DIS3L2: variants seen among roughly 807,000 people sequenced by gnomAD.
DIS3L2 encodes the protein DIS3 like 3'-5' exoribonuclease 2.
Under a neutral mutation model 97.5 loss-of-function variants are expected in DIS3L2, and 34 were observed. That is an observed-to-expected ratio of 0.35 (90% confidence interval 0.27 to 0.46). DIS3L2 has a LOEUF of 0.46. DIS3L2 is among the 20% of genes least tolerant of loss of function. The pLI is 1.00. For missense variants in DIS3L2, 1,038 were observed against 1,146.0 expected (o/e 0.91, Z 1.36); for synonymous variants, 435 against 445.2 (o/e 0.98, Z 0.29).
chr2:231,976,117 A>G (rs554166920), intron 1 of DIS3L2, among the ~76,000 whole-genome samples: 2 of 152,278 alleles, frequency 1.3e-5, no homozygotes, highest in African/African-American at 2.4e-5. Flanking sequence ...TAGGGGTACA[A>G]GAGGCTTTCT....
chr2:231,968,801 G>A (rs554166809), intron 1 of DIS3L2, among the ~76,000 whole-genome samples: 14 of 152,264 alleles, frequency 9.2e-5, no homozygotes, highest in Admixed American at 3.3e-4. Flanking sequence ...TTAGTTATCC[G>A]TAAGTATTTC....
intron 5 of DIS3L2, among the ~76,000 whole-genome samples, chr2:232,045,936 A>G (rs1487303950): frequency 2.0e-5 from 3 of 151,888 alleles, no homozygotes. Flanking sequence ...CGGCCTCCCA[A>G]AGTGCTGGGA....
At chr2:232,206,604 T>C (rs1234908866) in intron 9 of DIS3L2, among the ~76,000 whole-genome samples, 1 of 152,226 alleles carries the variant, frequency 6.6e-6, no homozygotes, top group East Asian at 1.9e-4. Flanking sequence ...CACAAACAAG[T>C]GGCAGGCCAG....
At chr2:232,311,476 A>G (rs1559206491) in intron 14 of DIS3L2, among the ~76,000 whole-genome samples, 1 of 152,244 alleles carries the variant, frequency 6.6e-6, no homozygotes, top group Non-Finnish European at 1.5e-5. Context: ...CTATAATCCC[A>G]GCACTTTGGG....
chr2:232,161,389 C>A (rs1003497079), intron 8 of DIS3L2, among the ~76,000 whole-genome samples: 1 of 152,236 alleles, frequency 6.6e-6, no homozygotes, highest in Non-Finnish European at 1.5e-5. Context: ...CCTCCAACCA[C>A]TATTTTAGCT....
intron 9 of DIS3L2, among the ~76,000 whole-genome samples, chr2:232,206,086 C>T (rs746600907): frequency 3.3e-5 from 5 of 152,198 alleles, no homozygotes; most frequent in Admixed American, 6.5e-5. Context: ...CTGTGCAGGG[C>T]ATTTCAGTGC....
chr2:232,283,816 G>A (rs1694358469), intron 13 of DIS3L2, among the ~76,000 whole-genome samples: 1 of 152,150 alleles, frequency 6.6e-6, no homozygotes, highest in Admixed American at 6.5e-5. Context: ...CCAAGGGAGA[G>A]CTGTGTAAGG....
At chr2:232,095,002 G>A (rs1267159855) in intron 6 of DIS3L2, among the ~76,000 whole-genome samples, 1 of 151,966 alleles carries the variant, frequency 6.6e-6, no homozygotes, top group Non-Finnish European at 1.5e-5. Context: ...CATTGGCTTG[G>A]AATATCTTTT....
intron 12 of DIS3L2, among the ~76,000 whole-genome samples, chr2:232,258,566 G>C (rs1693629978): frequency 7.7e-6 from 1 of 129,974 alleles, no homozygotes; most frequent in Non-Finnish European, 1.6e-5. Flanking sequence ...CCTGGTGACA[G>C]AGTGACAGAG....
intron 14 of DIS3L2, among the ~76,000 whole-genome samples, chr2:232,326,268 A>AG (rs1429541535): frequency 6.6e-6 from 1 of 152,110 alleles, no homozygotes; most frequent in Non-Finnish European, 1.5e-5. Flanking sequence ...CGCAGATGAG[A>AG]GCCCTGACTC....
At chr2:232,085,397 C>A (rs1696544404) in intron 5 of DIS3L2, among the ~76,000 whole-genome samples, 1 of 152,110 alleles carries the variant, frequency 6.6e-6, no homozygotes, top group African/African-American at 2.4e-5. Flanking sequence ...CATTTGTCAC[C>A]CCACTAGGAT....
At position 232,238,598 on chromosome 2, in the gene DIS3L2, G is replaced by A; in HGVS notation, c.1270G>A (p.Asp424Asn). 1 of 1,614,208 alleles carries A rather than the reference G, an allele frequency of 6.2e-7. No homozygotes were observed. Among genetic ancestry groups the A allele is most frequent in the Non-Finnish European group, 8.5e-7 (1 of 1,180,040 alleles). Reference protein sequence around the residue: ...SYFVPEGSDLDKVAAERATSV... With the variant: ...SYFVPEGSDLNKVAAERATSV... The stretch of plus-strand genomic sequence containing the variant: ...CTTTGTTCCGGAGGGATCTGATCTG[G>A]ATAAAGTGGCTGCCGAGAGGGCTAC... Residue 424 changes from aspartate to asparagine, a missense_variant, in exon 11 of 21, where the codon GAT (aspartate) becomes AAT (asparagine). Around this residue, in one of 3 missense-constraint regions of DIS3L2, gnomAD observed 813 missense variants for 880.1 expected, o/e 0.92. Coordinates refer to ENST00000325385, the MANE Select transcript of DIS3L2 (RefSeq NM_152383.5).
At chr2:232,248,063 T>A (rs1377522497) in intron 11 of DIS3L2, among the ~76,000 whole-genome samples, 1 of 152,240 alleles carries the variant, frequency 6.6e-6, no homozygotes, top group Admixed American at 6.5e-5. Flanking sequence ...TTGTTACTGG[T>A]GTGGGCCATG....
intron 5 of DIS3L2, among the ~76,000 whole-genome samples, chr2:232,038,968 A>G (rs559876318): frequency 2.8e-4 from 43 of 152,350 alleles, no homozygotes; most frequent in Non-Finnish European, 4.4e-4. Context: ...CTGTTTAACT[A>G]GCTCCTACAG....
At chr2:232,329,786 C>CCCGGGGGGCA in intron 14 of DIS3L2, 27 bp from the exon 15 acceptor site, 3 of 430,238 alleles carry the variant, frequency 7.0e-6, no homozygotes, top group Non-Finnish European at 8.4e-6. Flanking sequence ...CCCCAGCGGT[C>CCCGGGGGGCA]CCTCCCATCC....
intron 1 of DIS3L2, among the ~76,000 whole-genome samples, chr2:231,986,394 G>T (rs941139514): frequency 1.3e-5 from 2 of 152,164 alleles, no homozygotes; most frequent in African/African-American, 4.8e-5. Context: ...CATAACTTTT[G>T]ATATAGCTTT....
intron 9 of DIS3L2, among the ~76,000 whole-genome samples, chr2:232,175,436 G>C (rs1691123998): frequency 6.6e-6 from 1 of 152,030 alleles, no homozygotes; most frequent in Non-Finnish European, 1.5e-5. Flanking sequence ...TAGGATCTTT[G>C]CTTCGTATTT....
chr2:231,983,637 T>C (rs1693322770), intron 1 of DIS3L2, among the ~76,000 whole-genome samples: 1 of 152,162 alleles, frequency 6.6e-6, no homozygotes, highest in Admixed American at 6.5e-5. Flanking sequence ...ATGCCTGTAA[T>C]CCCAGCACTT....
At chr2:232,256,568 T>C (rs1235320959) in intron 12 of DIS3L2, among the ~76,000 whole-genome samples, 1 of 152,230 alleles carries the variant, frequency 6.6e-6, no homozygotes, top group African/African-American at 2.4e-5. Flanking sequence ...GTTCCAAGCC[T>C]TTTTTCTTCG....
Sources: gnomAD v4.1 joint callset for allele counts (sites outside exome capture counted in the v4.1 genomes callset) on GRCh38, gnomAD v4.1.1 for gene constraint, gnomAD v4.1.1 regional missense constraint, MANE v1.5 for transcripts, NCBI Gene and HGNC (gene_info 2026-07-23, HGNC 2026-07-21) for gene names.